The following GABRA2 variants were observed in gnomAD, a reference collection of about 807,000 sequenced individuals.
GABRA2 encodes the protein gamma-aminobutyric acid type A receptor subunit alpha2, also known as gamma-aminobutyric acid receptor subunit alpha-2.
In GABRA2, 16 loss-of-function variants were observed where a neutral mutation model predicts 48.7. The ratio of observed to expected loss-of-function variants is 0.33; its 90% CI spans 0.22 to 0.50. The LOEUF is 0.50. Among genes scored for constraint, GABRA2 ranks in the 20% least tolerant of loss-of-function variants. GABRA2 has a pLI of 0.98. For synonymous variants in GABRA2, 185 were observed against 184.5 expected (o/e 1.00, Z -0.02); for missense variants, 275 against 535.6 (o/e 0.51, Z 4.80).
intron 3 of GABRA2, among the ~76,000 whole-genome samples, chr4:46,350,701 C>G (rs1734973567): frequency 6.6e-6 from 1 of 151,652 alleles, no homozygotes. Context: ...TTTCTTACGT[C>G]CTTTCTGATT....
rs1318977958 is a variant in GABRA2 at position 46,249,497 on chromosome 4, A to C, written c.*811T>G. 1 of 151,382 alleles carries C rather than the reference A, an allele frequency of 6.6e-6. No individual in the cohort carries two copies. Among genetic ancestry groups the C allele is most frequent in the Non-Finnish European group, 1.5e-5 (1 of 67,662 alleles). 9.4% of individuals were successfully genotyped at this position (151,382 alleles called of 1,614,324 possible). A position where few individuals can be genotyped will look rare whatever the true frequency, so the allele number is the denominator to read the frequency against. On this transcript the variant is annotated 3_prime_UTR_variant, in exon 10 of 10. Coordinates refer to ENST00000381620, the MANE Select transcript of GABRA2 (RefSeq NM_000807.4). ...TTTTTCCAGTCTCCAGCACCCGTAA[A>C]ATTTAGCTGATCAATTTCAATACAA... is the stretch of plus-strand genomic sequence containing the variant.
At chr4:46,340,252 C>T (rs759766729) in intron 3 of GABRA2, among the ~76,000 whole-genome samples, 1 of 151,674 alleles carries the variant, frequency 6.6e-6, no homozygotes, top group Non-Finnish European at 1.5e-5. Context: ...ATATAAAATA[C>T]ACCCTTCTAA....
At chr4:46,289,941 G>A (rs953072536) in intron 8 of GABRA2, among the ~76,000 whole-genome samples, 2 of 131,952 alleles carry the variant, frequency 1.5e-5, no homozygotes, top group Non-Finnish European at 3.0e-5. Context: ...AGACTGAGTC[G>A]GGCTCTGTCG....
intron 8 of GABRA2, among the ~76,000 whole-genome samples, chr4:46,268,608 C>T (rs958335282): frequency 6.6e-6 from 1 of 151,868 alleles, no homozygotes; most frequent in African/African-American, 2.4e-5. Flanking sequence ...ATTAGCATAA[C>T]TCTTATGGAA....
intron 8 of GABRA2, among the ~76,000 whole-genome samples, chr4:46,265,955 G>A (rs1354690966): frequency 1.3e-5 from 2 of 151,724 alleles, no homozygotes; most frequent in African/African-American, 2.4e-5. Context: ...CTTGTTTAAT[G>A]TTTACATATG....
chr4:46,372,790 T>A (rs921685448), intron 3 of GABRA2, among the ~76,000 whole-genome samples: 1 of 152,174 alleles, frequency 6.6e-6, no homozygotes, highest in Non-Finnish European at 1.5e-5. Context: ...CCTTTTCTAA[T>A]GTCTTCAGAC....
intron 8 of GABRA2, chr4:46,302,636 T>C (rs1050057109): frequency 2.0e-5 from 3 of 152,150 alleles, no homozygotes; most frequent in Non-Finnish European, 4.4e-5. Flanking sequence ...AGTGAGACTA[T>C]AAATTAAAAC....
chr4:46,363,494 A>G (rs1349352920), intron 3 of GABRA2, among the ~76,000 whole-genome samples: 1 of 152,176 alleles, frequency 6.6e-6, no homozygotes, highest in African/African-American at 2.4e-5. Context: ...AGACAGCAAC[A>G]TACTAATACT....
intron 8 of GABRA2, among the ~76,000 whole-genome samples, chr4:46,292,205 A>G (rs1723798766): frequency 6.6e-6 from 1 of 152,166 alleles, no homozygotes; most frequent in African/African-American, 2.4e-5. Flanking sequence ...ATGAAAAACA[A>G]ATGATGAACT....
At chr4:46,356,944 C>T (rs1214044092) in intron 3 of GABRA2, among the ~76,000 whole-genome samples, 5 of 151,580 alleles carry the variant, frequency 3.3e-5, no homozygotes, top group African/African-American at 1.2e-4. Flanking sequence ...TTTAAGATCC[C>T]CTTGCCCAGA....
At chr4:46,267,524 T>C (rs1196073572) in intron 8 of GABRA2, among the ~76,000 whole-genome samples, 1 of 152,018 alleles carries the variant, frequency 6.6e-6, no homozygotes, top group Non-Finnish European at 1.5e-5. Context: ...ATTTTGGATG[T>C]CTCATATTCT....
intron 3 of GABRA2, among the ~76,000 whole-genome samples, chr4:46,338,399 G>GA (rs1374724054): frequency 6.6e-6 from 1 of 151,658 alleles, no homozygotes; most frequent in African/African-American, 2.4e-5. Flanking sequence ...GCATATTTAG[G>GA]AAAAAAACTT....
intron 3 of GABRA2, among the ~76,000 whole-genome samples, chr4:46,348,602 A>G (rs955094252): frequency 8.5e-5 from 13 of 152,058 alleles, no homozygotes; most frequent in African/African-American, 2.9e-4. Flanking sequence ...GTCATAAAAA[A>G]TGATGAGGTC....
At chr4:46,380,016 C>T (rs1716544797) in intron 3 of GABRA2, among the ~76,000 whole-genome samples, 1 of 152,128 alleles carries the variant, frequency 6.6e-6, no homozygotes. Flanking sequence ...GATCAAGCAT[C>T]AGGATATATA....
At chr4:46,368,014 C>T (rs1445402690) in intron 3 of GABRA2, 1 of 152,016 alleles carries the variant, frequency 6.6e-6, no homozygotes, top group Non-Finnish European at 1.5e-5. Context: ...CAGTGTACAC[C>T]TAGCCACATC....
chr4:46,388,552 C>T (rs2109389574), intron 2 of GABRA2, 84 bp downstream of exon 2: 1 of 1,505,044 alleles, frequency 6.6e-7, no homozygotes, highest in Admixed American at 1.8e-5. Flanking sequence ...TTTAAAACAC[C>T]CTTGATTTTC....
At position 46,271,911 on chromosome 4, in the gene GABRA2, T is replaced by TTGTACATGCTGTACA. The variant is rs549076047; in HGVS notation, c.857-9784_857-9783insTGTACAGCATGTACA. ...ATAAAAATTTTGTCAGTCTAGGGAA[T>TTGTACATGCTGTACA]TGTACATGCTGTTTACTCTACCTGG... is the stretch of plus-strand genomic sequence containing the variant. On this transcript the variant is annotated intron_variant, in intron 8 of 9. Transcript: ENST00000381620. Among the ~76,000 whole-genome samples the TTGTACATGCTGTACA allele has an allele frequency of 5.7e-4, 86 of 152,044 alleles. No individual in the cohort carries two copies. In the East Asian group the frequency reaches 0.016, roughly 28 times the overall value.
intron 8 of GABRA2, among the ~76,000 whole-genome samples, chr4:46,285,026 CAA>C (rs201301399): frequency 0.5 from 59,572 of 118,090 alleles, 13,554 homozygotes; most frequent in South Asian, 0.62. Context: ...TGCTCACCCT[CAA>C]AAAAAAAAAA....
intron 4 of GABRA2, among the ~76,000 whole-genome samples, chr4:46,331,377 C>T (rs1381798441): frequency 2.0e-5 from 3 of 152,084 alleles, no homozygotes; most frequent in African/African-American, 4.8e-5. Flanking sequence ...GAATAAACAG[C>T]ATATTTTGTA....
Sources: gnomAD v4.1 joint callset for allele counts (sites outside exome capture counted in the v4.1 genomes callset) on GRCh38, gnomAD v4.1.1 for gene constraint, MANE v1.5 for transcripts, NCBI Gene and HGNC (gene_info 2026-07-23, HGNC 2026-07-21) for gene names.